Variants in SKAP2 observed in about 807,000 individuals in gnomAD.
SKAP2 encodes the protein src kinase-associated phosphoprotein 2.
SKAP2 carries 28 observed loss-of-function variants against 54.9 expected under a neutral mutation model. The observed-to-expected ratio is 0.51, with a 90% CI of 0.38 to 0.70. The LOEUF (loss-of-function observed/expected upper bound fraction) is 0.70, where lower values mean the gene tolerates loss of function less well. SKAP2 is among the 30% of genes least tolerant of loss of function. The pLI, the probability that SKAP2 is intolerant of heterozygous loss-of-function variation, is 0.00. For synonymous variants in SKAP2, 137 were observed against 134.3 expected, an observed-to-expected ratio of 1.02 and a Z score of -0.14; for missense variants, 356 against 424.1, an observed-to-expected ratio of 0.84 and a Z score of 1.41.
chr7:26,675,437 A>G (rs893074528), intron 11 of SKAP2, among the ~76,000 whole-genome samples: 3 of 152,220 alleles, frequency 2.0e-5, no homozygotes, highest in African/African-American at 7.2e-5. Context: ...TTTCAAGCTA[A>G]GCATTTATTC....
intron 6 of SKAP2, among the ~76,000 whole-genome samples, chr7:26,734,810 C>A (rs1787890526): frequency 6.6e-6 from 1 of 152,130 alleles, no homozygotes; most frequent in Non-Finnish European, 1.5e-5. Context: ...GGGTAAAGCC[C>A]TCATGCCTTA....
chr7:26,797,425 G>C lies in SKAP2; in HGVS notation c.307+46605C>G, dbSNP rs145098889. ...ACAGGAGTCTCTGCCTGGTAATCCA[G>C]AGAATTCTCCCGGATCTTGTCCAAG... is the stretch of plus-strand genomic sequence containing the variant. On this transcript the variant is annotated intron_variant, in intron 4 of 12. Transcript: ENST00000345317. Among the ~76,000 whole-genome samples the C allele has an allele frequency of 8.7e-4, 133 of 152,346 alleles. 1 individual carries two copies. Among genetic ancestry groups the C allele is most frequent in the South Asian group, 3.7e-3 (18 of 4,830 alleles).
At chr7:26,792,920 T>G (rs1240579999) in intron 4 of SKAP2, among the ~76,000 whole-genome samples, 1 of 152,232 alleles carries the variant, frequency 6.6e-6, no homozygotes, top group Non-Finnish European at 1.5e-5. Context: ...CATAAAATTC[T>G]TAAAGTTAGA....
intron 6 of SKAP2, among the ~76,000 whole-genome samples, chr7:26,734,272 C>CTTCCTAAA (rs1787878667): frequency 6.6e-6 from 1 of 152,216 alleles, no homozygotes; most frequent in Non-Finnish European, 1.5e-5. Flanking sequence ...ATTACAATTA[C>CTTCCTAAA]TTCCTAAAAA....
intron 9 of SKAP2, among the ~76,000 whole-genome samples, chr7:26,713,398 T>TG (rs1316705429): frequency 6.7e-6 from 1 of 150,338 alleles, no homozygotes; most frequent in Non-Finnish European, 1.5e-5. Context: ...TGACATGCAA[T>TG]GGGCTTTCAA....
intron 9 of SKAP2, among the ~76,000 whole-genome samples, chr7:26,718,639 G>A (rs554242824): frequency 5.9e-5 from 9 of 152,042 alleles, no homozygotes; most frequent in Admixed American, 4.6e-4. Context: ...CCGAGTAGCC[G>A]GGACTACAGG....
In SKAP2 at chr7:26,684,851, AG is replaced by A; in HGVS notation, c.875-4del. The A allele has an allele frequency of 6.4e-7, 1 of 1,565,748 alleles. No homozygotes were observed. The highest frequency in any genetic ancestry group is 1.1e-5 in the South Asian group (1 of 89,196). ...AGCATAATCAGTGCTCTTATCCCCTAGGAAGAAGAAAGAGAAAGCATGAATT... is the reference window on the plus strand; with the variant it reads ...AGCATAATCAGTGCTCTTATCCCCTAGAAGAAGAAAGAGAAAGCATGAATT... On this transcript the variant is annotated splice_polypyrimidine_tract_variant and splice_region_variant and intron_variant, in intron 10 of 12. Transcript: ENST00000345317.
At position 26,700,649 on chromosome 7, in the gene SKAP2, C is replaced by T. The variant is rs142323794; in HGVS notation, c.797-10287G>A. Among the ~76,000 whole-genome samples the T allele has an allele frequency of 3.8e-3, 578 of 152,298 alleles. 5 individuals carry two copies. Among genetic ancestry groups the T allele is most frequent in the African/African-American group, 0.013 (557 of 41,558 alleles). On this transcript the variant is annotated intron_variant, in intron 9 of 12. Transcript: ENST00000345317. The stretch of plus-strand genomic sequence containing the variant: ...CCCCTATGCCTCAATTTGGCACAAT[C>T]CTGAAGAGTCCGCCTAGCCTAGTCT...
intron 11 of SKAP2, among the ~76,000 whole-genome samples, chr7:26,681,339 G>C (rs552474820): frequency 5.9e-5 from 9 of 152,282 alleles, no homozygotes; most frequent in African/African-American, 2.2e-4. Context: ...AGCTACTTGG[G>C]AGGCTGAGGC....
At chr7:26,808,675 A>G (rs1784077596) in intron 4 of SKAP2, among the ~76,000 whole-genome samples, 7 of 152,338 alleles carry the variant, frequency 4.6e-5, no homozygotes, top group Admixed American at 4.6e-4. Flanking sequence ...AAGCCTTGGA[A>G]TAAGATGGCT....
chr7:26,842,844 T>C (rs1309236018), intron 4 of SKAP2, among the ~76,000 whole-genome samples: 1 of 151,766 alleles, frequency 6.6e-6, no homozygotes, highest in Admixed American at 6.6e-5. Flanking sequence ...AGAAAAGAAA[T>C]GCTTATCTCT....
downstream of SKAP2, among the ~76,000 whole-genome samples, chr7:26,664,569 G>C (rs1212992308): frequency 6.6e-6 from 1 of 151,982 alleles, no homozygotes; most frequent in African/African-American, 2.4e-5. Flanking sequence ...CCTCAAACAA[G>C]AAGTAAATTG....
Position 26,844,145 on chromosome 7 carries a change from A to G in SKAP2, c.200-8T>C, listed in dbSNP as rs1157960588. The G allele has an allele frequency of 2.6e-6, 4 of 1,525,790 alleles. No individual in the cohort carries two copies. Among genetic ancestry groups the G allele is most frequent in the Admixed American group, 1.7e-5 (1 of 58,370 alleles). The allele number at this position is 1,525,790 out of a possible 1,614,324, so 94.5% of individuals were successfully genotyped here. ...CCCCATCTTCTGCATCACCTGTTAA[A>G]AAAAAAAAAAATCAGAGAACTGCCT... On this transcript the variant is annotated splice_polypyrimidine_tract_variant and splice_region_variant and intron_variant, in intron 3 of 12. Coordinates refer to ENST00000345317, the MANE Select transcript of SKAP2 (RefSeq NM_003930.5).
intron 4 of SKAP2, among the ~76,000 whole-genome samples, chr7:26,838,566 C>T (rs1281140123): frequency 6.6e-6 from 1 of 152,140 alleles, no homozygotes; most frequent in African/African-American, 2.4e-5. Flanking sequence ...GCTTGAACTC[C>T]AAAAGTTCTT....
chr7:26,769,532 G>A (rs1318288502), intron 4 of SKAP2, among the ~76,000 whole-genome samples: 1 of 152,172 alleles, frequency 6.6e-6, no homozygotes, highest in African/African-American at 2.4e-5. Context: ...GAGGAGAAGA[G>A]GCATTCTGGT....
chr7:26,790,810 GA>G (rs1439272144), intron 4 of SKAP2, among the ~76,000 whole-genome samples: 1 of 151,970 alleles, frequency 6.6e-6, no homozygotes, highest in Non-Finnish European at 1.5e-5. Context: ...AGAAAAGCAG[GA>G]ACCATATATC....
At chr7:26,822,755 C>T (rs565034525) in intron 4 of SKAP2, among the ~76,000 whole-genome samples, 2 of 151,398 alleles carry the variant, frequency 1.3e-5, no homozygotes, top group African/African-American at 2.4e-5. Context: ...TGGTGGCGGG[C>T]GCCTGCAGTC....
At chr7:26,831,820 C>T (rs965159877) in intron 4 of SKAP2, among the ~76,000 whole-genome samples, 11 of 151,952 alleles carry the variant, frequency 7.2e-5, no homozygotes, top group Non-Finnish European at 1.2e-4. Flanking sequence ...CTATCCCATA[C>T]CTTAGTCACT....
chr7:26,825,041 C>T (rs1784459924), intron 4 of SKAP2, among the ~76,000 whole-genome samples: 1 of 152,118 alleles, frequency 6.6e-6, no homozygotes, highest in Admixed American at 6.5e-5. Context: ...GGTCCTAGTG[C>T]TACAGGTACT....
Sources: gnomAD v4.1 joint callset for allele counts (sites outside exome capture counted in the v4.1 genomes callset) on GRCh38, gnomAD v4.1.1 for gene constraint, MANE v1.5 for transcripts, NCBI Gene and HGNC (gene_info 2026-07-23, HGNC 2026-07-21) for gene names.